DMD: variants seen among roughly 807,000 people sequenced by gnomAD.
DMD encodes dystrophin.
DMD carries 63 observed loss-of-function variants against 330.1 expected under a neutral mutation model. The observed-to-expected ratio is 0.19, with a 90% CI of 0.16 to 0.24. The LOEUF (loss-of-function observed/expected upper bound fraction) is 0.24, where lower values mean the gene tolerates loss of function less well. Ranked by LOEUF, DMD falls within the 10% of genes least tolerant of loss-of-function variation. DMD has a pLI of 1.00. For synonymous variants in DMD, 1,223 were observed against 959.8 expected, an observed-to-expected ratio of 1.27 and a Z score of -5.07; for missense variants, 3,344 against 2,684.1, an observed-to-expected ratio of 1.25 and a Z score of -5.43.
At chrX:31,960,359 G>A (rs1447106907) in intron 45 of DMD, among the ~76,000 whole-genome samples, 1 of 110,730 alleles carries the variant, frequency 9.0e-6, no homozygotes, top group Non-Finnish European at 1.9e-5. Context: ...GGTTTGGAGT[G>A]GGAATTGGGC....
chrX:31,756,696 G>GA (rs1275877708), intron 51 of DMD, among the ~76,000 whole-genome samples: 1 of 112,539 alleles, frequency 8.9e-6, no homozygotes, highest in Non-Finnish European at 1.9e-5. Flanking sequence ...GTATATACTA[G>GA]AAATTAATGC....
intron 61 of DMD, among the ~76,000 whole-genome samples, chrX:31,324,524 G>A (rs981562439): frequency 1.2e-4 from 13 of 110,015 alleles, no homozygotes; most frequent in Non-Finnish European, 9.5e-5. Flanking sequence ...TGTTGAGGAG[G>A]CACTATAACA....
intron 59 of DMD, among the ~76,000 whole-genome samples, chrX:31,447,260 ATTTTTTTTT>A (rs72227601): frequency 3.8e-5 from 2 of 52,472 alleles, no homozygotes; most frequent in East Asian, 6.8e-4. Flanking sequence ...AGATCTTGGG[ATTTTTTTTT>A]TTTTTTTTTT....
At chrX:33,337,488 A>G in intron 1 of DMD, among the ~76,000 whole-genome samples, 1 of 111,819 alleles carries the variant, frequency 8.9e-6, no homozygotes, top group Middle Eastern at 4.6e-3. Context: ...ACAGTACTTA[A>G]AAGTATTAAA....
chrX:32,492,081 T>C (rs888301564), intron 19 of DMD, among the ~76,000 whole-genome samples: 3 of 112,299 alleles, frequency 2.7e-5, no homozygotes, highest in Non-Finnish European at 5.6e-5. Context: ...GGCTCATGCC[T>C]ATAATTCCAA....
At chrX:31,630,037 G>A (rs1189911601) in intron 54 of DMD, among the ~76,000 whole-genome samples, 1 of 112,414 alleles carries the variant, frequency 8.9e-6, no homozygotes, top group Non-Finnish European at 1.9e-5. Context: ...GCTTCATGAT[G>A]AGCTGCGCTT....
chrX:31,339,215 C>A (rs1257785109), intron 61 of DMD, among the ~76,000 whole-genome samples: 3 of 111,573 alleles, frequency 2.7e-5, no homozygotes. Flanking sequence ...AATCTGGTTG[C>A]TAATGATACT....
At chrX:31,136,267 TTC>T (rs765319668) in intron 76 of DMD, among the ~76,000 whole-genome samples, 3 of 111,721 alleles carry the variant, frequency 2.7e-5, no homozygotes, top group East Asian at 2.8e-4. Flanking sequence ...TCTCTCCTCT[TTC>T]TCTCTCTCTT....
intron 44 of DMD, among the ~76,000 whole-genome samples, chrX:32,183,026 C>A: frequency 9.0e-6 from 1 of 111,443 alleles, no homozygotes; most frequent in Middle Eastern, 4.6e-3. Flanking sequence ...AAAAGAGGAT[C>A]ATTTTGCAGA....
chrX:32,844,108 G>A (rs747953265), intron 4 of DMD, among the ~76,000 whole-genome samples: 20 of 111,485 alleles, frequency 1.8e-4, no homozygotes, highest in Non-Finnish European at 2.6e-4. Context: ...AAACACTGCC[G>A]TAAGAAACAG....
At chrX:31,137,578 T>C (rs888410494) in intron 76 of DMD, among the ~76,000 whole-genome samples, 1 of 110,218 alleles carries the variant, frequency 9.1e-6, no homozygotes, top group African/African-American at 3.3e-5. Flanking sequence ...TTTATTAAAA[T>C]CCAACTATAT....
intron 2 of DMD, among the ~76,000 whole-genome samples, chrX:32,916,928 C>A (rs2087863169): frequency 1.8e-5 from 2 of 111,309 alleles, no homozygotes; most frequent in Admixed American, 1.9e-4. Context: ...GATGGATATC[C>A]CAATTACTCT....
At chrX:33,265,333 A>G (rs897881729) in intron 1 of DMD, among the ~76,000 whole-genome samples, 2 of 111,127 alleles carry the variant, frequency 1.8e-5, no homozygotes, top group African/African-American at 6.5e-5. Flanking sequence ...AAAAGATGCC[A>G]TTATTACAAC....
chrX:32,503,382 T>C (rs1021661207), intron 18 of DMD, among the ~76,000 whole-genome samples: 2 of 111,872 alleles, frequency 1.8e-5, no homozygotes, highest in African/African-American at 3.3e-5. Flanking sequence ...AGAGGGAAAC[T>C]CTTTCATATA....
intron 62 of DMD, among the ~76,000 whole-genome samples, chrX:31,271,186 G>C (rs1399116335): frequency 9.0e-6 from 1 of 111,577 alleles, no homozygotes; most frequent in Admixed American, 9.5e-5. Flanking sequence ...TCAGGAGGAG[G>C]GGGCAGAAGA....
intron 43 of DMD, among the ~76,000 whole-genome samples, chrX:32,276,832 A>G (rs1460039685): frequency 9.0e-6 from 1 of 110,855 alleles, no homozygotes; most frequent in Non-Finnish European, 1.9e-5. Flanking sequence ...AGGCACAAGA[A>G]TCTCTTGAAC....
At chrX:32,787,452 A>T (rs1418204128) in intron 7 of DMD, among the ~76,000 whole-genome samples, 3 of 110,678 alleles carry the variant, frequency 2.7e-5, no homozygotes, top group African/African-American at 9.9e-5. Context: ...GAAGACCAGC[A>T]AGATTTCAAA....
intron 23 of DMD, among the ~76,000 whole-genome samples, chrX:32,467,718 G>C (rs981500832): frequency 1.9e-5 from 2 of 106,689 alleles, no homozygotes; most frequent in Admixed American, 2.1e-4. Flanking sequence ...AGCTAAAAAT[G>C]CCAATAACAC....
chrX:33,240,045 G>A (rs184057815), intron 1 of DMD, among the ~76,000 whole-genome samples: 1 of 111,140 alleles, frequency 9.0e-6, no homozygotes, highest in Admixed American at 9.6e-5. Flanking sequence ...GTATATGTAA[G>A]CATTCCATAA....
Sources: allele counts gnomAD v4.1 joint callset (sites outside exome capture counted in the v4.1 genomes callset), GRCh38; gene constraint gnomAD v4.1.1; transcripts MANE v1.5; gene names NCBI Gene and HGNC (gene_info 2026-07-23, HGNC 2026-07-21).